The following SOX6 variants were observed in gnomAD, a reference collection of about 807,000 sequenced individuals.
SOX6 encodes SRY-box transcription factor 6, also known as transcription factor SOX-6.
A neutral mutation model predicts 97.8 loss-of-function variants in SOX6; 11 were observed. That is an observed-to-expected ratio of 0.11 (90% confidence interval 0.07 to 0.19). SOX6 has a LOEUF of 0.19. Ranked by LOEUF, SOX6 falls within the 10% of genes least tolerant of loss-of-function variation. The probability of loss-of-function intolerance (pLI) is 1.00; values close to 1 mark genes in which losing one functional copy is unlikely to be tolerated. For synonymous variants in SOX6, 360 were observed against 371.4 expected, an observed-to-expected ratio of 0.97 and a Z score of 0.35; for missense variants, 810 against 1,039.5, an observed-to-expected ratio of 0.78 and a Z score of 3.04.
intron 4 of SOX6, among the ~76,000 whole-genome samples, chr11:16,221,216 G>A (rs1052819135): frequency 1.4e-4 from 21 of 152,124 alleles, no homozygotes; most frequent in South Asian, 8.3e-4. Flanking sequence ...AAATAAAATA[G>A]TGAGTAAAAC....
chr11:16,591,001 T>C (rs1848143865), intron 4 of SOX6, among the ~76,000 whole-genome samples: 1 of 152,140 alleles, frequency 6.6e-6, no homozygotes, highest in African/African-American at 2.4e-5. Flanking sequence ...ACCTCATTTA[T>C]ACTGATGTGA....
At chr11:16,562,508 T>C (rs1391665655) in intron 4 of SOX6, among the ~76,000 whole-genome samples, 1 of 152,070 alleles carries the variant, frequency 6.6e-6, no homozygotes, top group Non-Finnish European at 1.5e-5. Context: ...TAACTCCAGA[T>C]AAACACTGGA....
chr11:15,994,755 A>C (rs2119836292), intron 13 of SOX6, among the ~76,000 whole-genome samples: 1 of 152,292 alleles, frequency 6.6e-6, no homozygotes, highest in South Asian at 2.1e-4. Flanking sequence ...ATATTGGCGC[A>C]AAAGGTTCTA....
intron 3 of SOX6, among the ~76,000 whole-genome samples, chr11:16,660,186 T>G (rs1847755851): frequency 6.6e-6 from 1 of 152,166 alleles, no homozygotes; most frequent in Non-Finnish European, 1.5e-5. Flanking sequence ...TCTTTCTCAG[T>G]TTCCTAAGGT....
chr11:16,320,303 C>A (rs969867054), intron 2 of SOX6, among the ~76,000 whole-genome samples: 1 of 152,010 alleles, frequency 6.6e-6, no homozygotes, highest in African/African-American at 2.4e-5. Context: ...GAATCAAGAA[C>A]TTGAGGACAA....
intron 4 of SOX6, among the ~76,000 whole-genome samples, chr11:16,217,647 G>A (rs766872499): frequency 1.7e-4 from 26 of 152,036 alleles, no homozygotes; most frequent in Non-Finnish European, 2.9e-4. Flanking sequence ...CCAATAGAAG[G>A]CTAACATTTT....
intron 1 of SOX6, among the ~76,000 whole-genome samples, chr11:16,371,461 T>A (rs1003189918): frequency 6.6e-6 from 1 of 151,348 alleles, no homozygotes; most frequent in African/African-American, 2.5e-5. Flanking sequence ...AATAACTTAC[T>A]TTTTCTTTTT....
upstream of SOX6, among the ~76,000 whole-genome samples, chr11:16,361,395 A>T (rs1369925759): frequency 6.6e-6 from 1 of 152,220 alleles, no homozygotes; most frequent in Non-Finnish European, 1.5e-5. Flanking sequence ...TTCTGCTATA[A>T]ACACTGGAAA....
intron 3 of SOX6, among the ~76,000 whole-genome samples, chr11:16,298,723 A>G (rs1224947474): frequency 6.6e-6 from 1 of 151,930 alleles, no homozygotes; most frequent in African/African-American, 2.4e-5. Flanking sequence ...ATTTTTTTTT[A>G]GTAACATACT....
intron 3 of SOX6, among the ~76,000 whole-genome samples, chr11:16,295,731 A>G (rs532506331): frequency 2.0e-5 from 3 of 152,248 alleles, no homozygotes; most frequent in Admixed American, 2.0e-4. Flanking sequence ...TAATTTACCA[A>G]AAGAGCTTTG....
At chr11:16,186,282 A>T (rs1334268075) in intron 5 of SOX6, among the ~76,000 whole-genome samples, 3 of 152,142 alleles carry the variant, frequency 2.0e-5, no homozygotes, top group African/African-American at 7.2e-5. Context: ...GGGTATTATT[A>T]CTCTAGAAAA....
chr11:16,434,707 G>A (rs562092602), intron 1 of SOX6, among the ~76,000 whole-genome samples: 4 of 152,168 alleles, frequency 2.6e-5, no homozygotes, highest in South Asian at 4.1e-4. Flanking sequence ...TTGTTCATAA[G>A]TAAGTGCTCA....
At chr11:16,591,831 GTTC>G (rs535111771) in intron 4 of SOX6, among the ~76,000 whole-genome samples, 84 of 152,162 alleles carry the variant, frequency 5.5e-4, no homozygotes, top group African/African-American at 1.9e-3. Context: ...AATCAATGAT[GTTC>G]TTCTCCCATT....
chr11:16,135,740 C>CTAA (rs1418470978), intron 6 of SOX6, among the ~76,000 whole-genome samples: 1 of 152,116 alleles, frequency 6.6e-6, no homozygotes, highest in Admixed American at 6.6e-5. Context: ...TTGAAATAAC[C>CTAA]ACACAAGGTT....
At chr11:16,272,134 T>C (rs977509) in intron 3 of SOX6, among the ~76,000 whole-genome samples, 118,235 of 151,204 alleles carry the variant, frequency 0.78, 46,376 homozygotes, top group Non-Finnish European at 0.8. Flanking sequence ...TTTCTTAATT[T>C]CCAGGTATAA....
At chr11:16,138,111 G>C (rs1404015261) in intron 6 of SOX6, among the ~76,000 whole-genome samples, 1 of 152,124 alleles carries the variant, frequency 6.6e-6, no homozygotes. Context: ...CAGTAAACCA[G>C]GAATTTTTAA....
At chr11:16,244,871 C>T (rs10766313) in intron 3 of SOX6, among the ~76,000 whole-genome samples, 144,229 of 151,778 alleles carry the variant, frequency 0.95, 68,949 homozygotes, top group East Asian at 1. Context: ...TGCAGCCTTA[C>T]AATAAGTTTT....
intron 4 of SOX6, among the ~76,000 whole-genome samples, chr11:16,562,599 G>T (rs963644812): frequency 6.6e-6 from 1 of 151,888 alleles, no homozygotes; most frequent in South Asian, 2.1e-4. Flanking sequence ...GCTTTAATGA[G>T]GTACCCAATA....
rs1254341323 is a variant in SOX6 at position 16,610,151 on chromosome 11, G to C, written n.609+1930C>G. On this transcript the variant is annotated intron_variant and non_coding_transcript_variant, in intron 4 of 5. Transcript: ENST00000524520. This position sits in a 1 kb window ranked among gnomAD's most constrained non-coding sequence, Gnocchi z 4.4. ...TTCCAGAGCGTTGCACTCCTCAGCT[G>C]TCTGCCCTGGAACTCAACAACAAGG... 6.6e-6 allele frequency among the ~76,000 whole-genome samples: 1 copy of C among 152,166 alleles called. No homozygotes were observed. The highest frequency in any genetic ancestry group is 6.5e-5 in the Admixed American group (1 of 15,280).
Sources: allele counts gnomAD v4.1 joint callset (sites outside exome capture counted in the v4.1 genomes callset), GRCh38; gene constraint gnomAD v4.1.1; non-coding constraint Gnocchi (gnomAD v3.1); transcripts MANE v1.5; gene names NCBI Gene and HGNC (gene_info 2026-07-23, HGNC 2026-07-21).